Variants in MYO3A observed in about 807,000 individuals in gnomAD.
The protein encoded by MYO3A is myosin IIIA, also known as myosin-IIIa.
A neutral mutation model predicts 192.7 loss-of-function variants in MYO3A; 180 were observed. The ratio of observed to expected loss-of-function variants is 0.93; its 90% CI spans 0.83 to 1.06. The LOEUF (loss-of-function observed/expected upper bound fraction) is 1.06, where lower values mean the gene tolerates loss of function less well. MYO3A is among the 50% of genes least tolerant of loss of function. MYO3A has a pLI of 0.00. For synonymous variants in MYO3A, 628 were observed against 645.3 expected, an observed-to-expected ratio of 0.97 and a Z score of 0.41; for missense variants, 1,896 against 1,905.0, an observed-to-expected ratio of 1.00 and a Z score of 0.09.
intron 6 of MYO3A, among the ~76,000 whole-genome samples, chr10:26,001,668 C>G (rs1840828382): frequency 6.7e-6 from 1 of 148,822 alleles, no homozygotes; most frequent in Admixed American, 6.6e-5. Context: ...CCTCTCTTTT[C>G]TCCTGACACA....
In MYO3A at chr10:26,160,617, C is replaced by T. The variant is rs117133202; in HGVS notation, c.2999+3102C>T. ...CTATGTTCATACCACTGCACTCCAGCCTGGGTGACAGAGCAAGACCCTATC... is the reference window on the plus strand; with the variant it reads ...CTATGTTCATACCACTGCACTCCAGTCTGGGTGACAGAGCAAGACCCTATC... On this transcript the variant is annotated intron_variant, in intron 26 of 34. Coordinates refer to ENST00000642920, the MANE Select transcript of MYO3A (RefSeq NM_017433.5). Among the ~76,000 whole-genome samples the T allele has an allele frequency of 4.1e-3, 618 of 151,916 alleles. 5 individuals carry two copies. The highest frequency in any genetic ancestry group is 0.024 in the Middle Eastern group (7 of 292).
intron 4 of MYO3A, among the ~76,000 whole-genome samples, chr10:25,982,468 A>G (rs1400389876): frequency 6.6e-6 from 1 of 151,970 alleles, no homozygotes; most frequent in East Asian, 1.9e-4. Flanking sequence ...TGAAAGCACC[A>G]CCTCCTGGCT....
chr10:26,067,206 C>G (rs1834907783), intron 11 of MYO3A, 132 bp downstream of exon 11: 1 of 643,776 alleles, frequency 1.6e-6, no homozygotes, highest in East Asian at 2.8e-5. Flanking sequence ...ACTCACTCTG[C>G]CCATGTCTCC....
chr10:26,204,005 T>C (rs1843794728), intron 34 of MYO3A: 1 of 152,232 alleles, frequency 6.6e-6, no homozygotes, highest in African/African-American at 2.4e-5. Context: ...AGACTAAATG[T>C]AGCAATAGGG....
chr10:26,051,854 G>T (rs1844026077), intron 10 of MYO3A, among the ~76,000 whole-genome samples: 1 of 152,016 alleles, frequency 6.6e-6, no homozygotes, highest in East Asian at 1.9e-4. Context: ...TAATGACAGG[G>T]TTGAGTATTT....
At chr10:26,066,929 A>G (rs1340638319) in intron 10 of MYO3A, 46 bp from the exon 11 acceptor site, 7 of 1,369,164 alleles carry the variant, frequency 5.1e-6, no homozygotes, top group Admixed American at 1.7e-5. Flanking sequence ...TTTTTCCACT[A>G]TGAGCAGTAA....
intron 2 of MYO3A, among the ~76,000 whole-genome samples, chr10:25,944,775 G>A (rs1001330526): frequency 1.3e-5 from 2 of 151,848 alleles, no homozygotes; most frequent in African/African-American, 4.8e-5. Flanking sequence ...TCTTGCTTTA[G>A]TTATTTATGT....
At chr10:25,975,395 C>T (rs1838907918) in intron 4 of MYO3A, among the ~76,000 whole-genome samples, 1 of 152,114 alleles carries the variant, frequency 6.6e-6, no homozygotes, top group Non-Finnish European at 1.5e-5. Context: ...GCAAGTATCT[C>T]AAAAGGGCTG....
At chr10:26,091,039 C>T (rs1836670355) in intron 15 of MYO3A, among the ~76,000 whole-genome samples, 7 of 152,194 alleles carry the variant, frequency 4.6e-5, no homozygotes, top group Admixed American at 4.6e-4. Flanking sequence ...TCGCCTGTTT[C>T]CTGCCTGTGC....
chr10:25,947,537 G>C (rs1836935191), intron 2 of MYO3A, among the ~76,000 whole-genome samples: 1 of 151,606 alleles, frequency 6.6e-6, no homozygotes, highest in South Asian at 2.1e-4. Context: ...GGGATTACAG[G>C]GATGCACCAC....
At chr10:26,204,285 G>C (rs1362285393) in intron 34 of MYO3A, 4 of 152,218 alleles carry the variant, frequency 2.6e-5, no homozygotes, top group African/African-American at 9.7e-5. Context: ...TAAAATCCCA[G>C]ATGTTCACTC....
At chr10:26,205,659 C>G (rs1178864500) in intron 34 of MYO3A, among the ~76,000 whole-genome samples, 19 of 138,414 alleles carry the variant, frequency 1.4e-4, no homozygotes, top group African/African-American at 5.3e-4. Flanking sequence ...CTCTGTCGCC[C>G]AGGCTGGAAT....
chr10:26,026,074 A>G lies in MYO3A; in HGVS notation c.798-303A>G, dbSNP rs1456549509. On this transcript the variant is annotated intron_variant, in intron 9 of 34. Transcript: ENST00000642920. ...GTAAAGGAGACTTTGCAGTGGAGAC[A>G]TTTTAATTATCACTATGCAATAATC... Among the ~76,000 whole-genome samples, 6 of 152,370 alleles carry G rather than the reference A, an allele frequency of 3.9e-5. No individual in the cohort carries two copies. The East Asian group carries it at 9.6e-4, about 24-fold the overall frequency.
At chr10:26,132,257 C>T (rs1839581034) in intron 20 of MYO3A, among the ~76,000 whole-genome samples, 1 of 152,206 alleles carries the variant, frequency 6.6e-6, no homozygotes, top group Non-Finnish European at 1.5e-5. Flanking sequence ...TCTCTGGAAT[C>T]ACCTATCTCA....
intron 17 of MYO3A, among the ~76,000 whole-genome samples, chr10:26,108,755 C>T (rs1464602699): frequency 6.6e-6 from 1 of 152,182 alleles, no homozygotes; most frequent in Non-Finnish European, 1.5e-5. Context: ...TTGGCTCCAT[C>T]TTGAGTATCC....
At chr10:25,974,500 T>TA (rs761634660) in intron 4 of MYO3A, among the ~76,000 whole-genome samples, 3 of 152,132 alleles carry the variant, frequency 2.0e-5, no homozygotes, top group Non-Finnish European at 4.4e-5. Flanking sequence ...TCTTTGTTCT[T>TA]ATGACCTGCC....
intron 4 of MYO3A, among the ~76,000 whole-genome samples, chr10:25,972,604 C>T (rs943567796): frequency 1.3e-5 from 2 of 152,054 alleles, no homozygotes; most frequent in African/African-American, 4.8e-5. Flanking sequence ...TTGTTGTTTG[C>T]CTGTTTGTTT....
At chr10:26,185,045 G>A (rs553988030) in intron 31 of MYO3A, among the ~76,000 whole-genome samples, 1 of 152,270 alleles carries the variant, frequency 6.6e-6, no homozygotes, top group East Asian at 1.9e-4. Flanking sequence ...TTTAAGCAGA[G>A]CAATCATAGT....
intron 10 of MYO3A, among the ~76,000 whole-genome samples, chr10:26,044,776 C>T (rs1843542565): frequency 6.6e-6 from 1 of 150,890 alleles, no homozygotes; most frequent in South Asian, 2.1e-4. Flanking sequence ...GGTGGGGCTA[C>T]AAGTAAAAAC....
Sources: allele counts gnomAD v4.1 joint callset (sites outside exome capture counted in the v4.1 genomes callset), GRCh38; gene constraint gnomAD v4.1.1; transcripts MANE v1.5; gene names NCBI Gene and HGNC (gene_info 2026-07-23, HGNC 2026-07-21).